The following CNTN3 variants were observed in gnomAD, a reference collection of about 807,000 sequenced individuals.
The protein encoded by CNTN3 is contactin 3, also known as contactin-3.
CNTN3 carries 60 observed loss-of-function variants against 119.1 expected under a neutral mutation model. That is an observed-to-expected ratio of 0.50 (90% CI 0.41 to 0.62). CNTN3 has a LOEUF of 0.62. Among genes scored for constraint, CNTN3 ranks in the 20% least tolerant of loss-of-function variants. The probability of loss-of-function intolerance (pLI) is 0.00; values close to 1 mark genes in which losing one functional copy is unlikely to be tolerated. For synonymous variants in CNTN3, 450 were observed against 438.7 expected (o/e 1.03, Z -0.32); for missense variants, 1,101 against 1,242.4 (o/e 0.89, Z 1.71).
At chr3:74,612,581 T>A (rs1244006592) in intron 1 of CNTN3, among the ~76,000 whole-genome samples, 2 of 152,196 alleles carry the variant, frequency 1.3e-5, no homozygotes, top group African/African-American at 4.8e-5. Context: ...TTACCCTGCA[T>A]ATCAATTAGA....
At chr3:74,612,701 G>A (rs1705102794) in intron 1 of CNTN3, among the ~76,000 whole-genome samples, 1 of 152,120 alleles carries the variant, frequency 6.6e-6, no homozygotes, top group Non-Finnish European at 1.5e-5. Context: ...TTTCCCTGGT[G>A]GATACTGATC....
chr3:74,310,684 C>T (rs1051857582), intron 13 of CNTN3, among the ~76,000 whole-genome samples: 1 of 152,144 alleles, frequency 6.6e-6, no homozygotes, highest in East Asian at 1.9e-4. Context: ...TGCATCACTC[C>T]TATTGTTTTT....
intron 13 of CNTN3, among the ~76,000 whole-genome samples, chr3:74,318,529 T>A (rs1702895974): frequency 6.6e-6 from 1 of 152,192 alleles, no homozygotes; most frequent in Non-Finnish European, 1.5e-5. Flanking sequence ...TGGATGTCCT[T>A]TCTGTTAGTT....
intron 4 of CNTN3, among the ~76,000 whole-genome samples, chr3:74,453,152 C>G (rs1027390882): frequency 1.3e-5 from 2 of 151,894 alleles, no homozygotes; most frequent in Admixed American, 6.6e-5. Context: ...GTCCTGGACT[C>G]TTTTTGGTTG....
chr3:74,510,121 T>G (rs1197998963), intron 2 of CNTN3, among the ~76,000 whole-genome samples: 1 of 151,876 alleles, frequency 6.6e-6, no homozygotes. Flanking sequence ...TGTGTTTACT[T>G]AAGCATCATT....
chr3:74,593,480 T>C (rs1040700478), intron 1 of CNTN3, among the ~76,000 whole-genome samples: 10 of 152,028 alleles, frequency 6.6e-5, no homozygotes, highest in African/African-American at 1.2e-4. Context: ...CTAGAATTCC[T>C]AATGGTGCTA....
At chr3:74,439,109 AAG>A (rs1448207958) in intron 4 of CNTN3, among the ~76,000 whole-genome samples, 1 of 152,220 alleles carries the variant, frequency 6.6e-6, no homozygotes, top group Non-Finnish European at 1.5e-5. Flanking sequence ...TCATCAAAAT[AAG>A]AGAGGGACAT....
intron 5 of CNTN3, among the ~76,000 whole-genome samples, chr3:74,371,668 G>T (rs562418238): frequency 6.6e-6 from 1 of 152,102 alleles, no homozygotes; most frequent in South Asian, 2.1e-4. Context: ...AGCTTCTCTG[G>T]TCTTGCTCAG....
intron 4 of CNTN3, among the ~76,000 whole-genome samples, chr3:74,433,399 C>T (rs932165629): frequency 5.9e-5 from 9 of 152,028 alleles, no homozygotes; most frequent in South Asian, 2.1e-4. Flanking sequence ...GAGCCTTTTG[C>T]GAGATTTTAA....
chr3:74,472,312 T>A (rs1350188365), intron 4 of CNTN3, among the ~76,000 whole-genome samples: 1 of 152,194 alleles, frequency 6.6e-6, no homozygotes, highest in African/African-American at 2.4e-5. Context: ...CTTTGCCCTC[T>A]CTGTACCAAT....
At chr3:74,417,436 A>G (rs752078545) in intron 5 of CNTN3, among the ~76,000 whole-genome samples, 2 of 152,254 alleles carry the variant, frequency 1.3e-5, no homozygotes, top group Non-Finnish European at 2.9e-5. Flanking sequence ...TATTTATTAT[A>G]GTAAAACCTT....
chr3:74,425,737 CTAAA>C (rs771281376), intron 4 of CNTN3, among the ~76,000 whole-genome samples: 62 of 152,128 alleles, frequency 4.1e-4, no homozygotes, highest in Non-Finnish European at 8.5e-4. Context: ...TTATCATAGC[CTAAA>C]TAGATTTTAT....
At chr3:74,477,425 G>C (rs1478777134) in intron 4 of CNTN3, among the ~76,000 whole-genome samples, 1 of 151,938 alleles carries the variant, frequency 6.6e-6, no homozygotes, top group East Asian at 1.9e-4. Flanking sequence ...CCAGCAAGAG[G>C]GACTCAGTAA....
intron 4 of CNTN3, among the ~76,000 whole-genome samples, chr3:74,456,242 G>GA (rs56052617): frequency 2.1e-4 from 32 of 149,980 alleles, no homozygotes; most frequent in African/African-American, 2.9e-4. Flanking sequence ...GCTATCTACT[G>GA]AAAAAAAAAG....
At chr3:74,299,400 A>T (rs1269582010) in intron 17 of CNTN3, among the ~76,000 whole-genome samples, 3 of 151,908 alleles carry the variant, frequency 2.0e-5, no homozygotes, top group Non-Finnish European at 4.4e-5. Context: ...AAAGAAACAA[A>T]CTCAAGCACC....
In CNTN3 at chr3:74,371,220, T is replaced by C; in HGVS notation, c.634A>G (p.Thr212Ala). The change falls in exon 6 of 23, where the codon ACT (threonine) becomes GCT (alanine). Residue 212 changes from threonine (T) to alanine (A), a missense_variant. Transcript: ENST00000263665. ...CCATCAGAACGTAGCACCAAAGGAG[T>C]TGGAGAGCCCAGCACTCGGGCATTT... is the stretch of plus-strand genomic sequence containing the variant. ...VTNARVLGSP[T>A]PLVLRSDGVM... 6.2e-7 allele frequency: 1 copy of C among 1,613,122 alleles called. No individual in the cohort carries two copies. The highest frequency in any genetic ancestry group is 8.5e-7 in the Non-Finnish European group (1 of 1,179,462).
intron 1 of CNTN3, among the ~76,000 whole-genome samples, chr3:74,567,662 A>G (rs1015033653): frequency 6.6e-6 from 1 of 152,130 alleles, no homozygotes; most frequent in East Asian, 1.9e-4. Context: ...AATCTTGAGA[A>G]GACAAAGAGT....
chr3:74,392,968 T>C (rs1358076313), intron 5 of CNTN3, among the ~76,000 whole-genome samples: 1 of 151,978 alleles, frequency 6.6e-6, no homozygotes, highest in Non-Finnish European at 1.5e-5. Context: ...TTTTTTTTCA[T>C]AAATGGTACT....
At chr3:74,384,078 A>T (rs1704687456) in intron 5 of CNTN3, among the ~76,000 whole-genome samples, 1 of 152,222 alleles carries the variant, frequency 6.6e-6, no homozygotes, top group Non-Finnish European at 1.5e-5. Flanking sequence ...TCTAAATATG[A>T]TGGTTCTATT....
Sources: allele counts gnomAD v4.1 joint callset (sites outside exome capture counted in the v4.1 genomes callset), GRCh38; gene constraint gnomAD v4.1.1; transcripts MANE v1.5; gene names NCBI Gene and HGNC (gene_info 2026-07-23, HGNC 2026-07-21).